The following MAPKAP1 variants were observed in gnomAD, a reference collection of about 807,000 sequenced individuals.
The protein encoded by MAPKAP1 is target of rapamycin complex 2 subunit MAPKAP1.
MAPKAP1 carries 20 observed loss-of-function variants against 65.7 expected under a neutral mutation model. The observed-to-expected ratio is 0.30, with a 90% CI of 0.21 to 0.44. The LOEUF is 0.44. Among genes scored for constraint, MAPKAP1 ranks in the 20% least tolerant of loss-of-function variants. MAPKAP1 has a pLI of 1.00. For synonymous variants in MAPKAP1, 222 were observed against 244.3 expected, an observed-to-expected ratio of 0.91 and a Z score of 0.85; for missense variants, 423 against 648.0, an observed-to-expected ratio of 0.65 and a Z score of 3.77.
chr9:125,438,506 G>A lies in MAPKAP1; in HGVS notation c.*381C>T, dbSNP rs975452524. The stretch of plus-strand genomic sequence containing the variant: ...CACCTGTTTATTAAAAGGAAAAACA[G>A]AAATGTACATTTTTGTTGTTTGCTT... On this transcript the variant is annotated 3_prime_UTR_variant, in exon 12 of 12. Transcript: ENST00000265960. 1 of 410,772 alleles carries A rather than the reference G, an allele frequency of 2.4e-6. No homozygotes were observed. The highest frequency in any genetic ancestry group is 2.0e-5 in the African/African-American group (1 of 48,902). 25.4% of individuals were successfully genotyped at this position (410,772 alleles called of 1,614,324 possible).
At chr9:125,613,766 C>CCATACTAT (rs1226423685) in intron 4 of MAPKAP1, among the ~76,000 whole-genome samples, 1 of 152,042 alleles carries the variant, frequency 6.6e-6, no homozygotes, top group East Asian at 1.9e-4. Flanking sequence ...CTAGAATTAC[C>CCATACTAT]CATACTATTT....
chr9:125,464,625 A>G (rs2132982668), intron 10 of MAPKAP1, among the ~76,000 whole-genome samples: 1 of 152,326 alleles, frequency 6.6e-6, no homozygotes, highest in South Asian at 2.1e-4. Flanking sequence ...ACTCACAGGG[A>G]CAGAGCAATA....
chr9:125,607,234 C>A (rs1832464270), intron 4 of MAPKAP1, among the ~76,000 whole-genome samples: 1 of 152,138 alleles, frequency 6.6e-6, no homozygotes, highest in Non-Finnish European at 1.5e-5. Flanking sequence ...ATTATAGCGA[C>A]TGAAACAATA....
chr9:125,686,036 G>A (rs577273206), intron 1 of MAPKAP1, among the ~76,000 whole-genome samples: 16 of 152,306 alleles, frequency 1.1e-4, no homozygotes, highest in African/African-American at 2.6e-4. Context: ...TAAGAAAAGC[G>A]GCCAGTGCAG....
chr9:125,448,191 C>T lies in MAPKAP1; in HGVS notation c.1346-3593G>A, dbSNP rs1852793529. ...GAGCTAGACAGGTGCAGAAAGGATA[C>T]TGAAAAGGAATGGAGGCGAGAACTA... On this transcript the variant is annotated intron_variant, in intron 10 of 11. Coordinates refer to ENST00000265960, the MANE Select transcript of MAPKAP1 (RefSeq NM_001006617.3). Among the ~76,000 whole-genome samples the T allele has an allele frequency of 5.3e-5, 8 of 152,104 alleles. No individual in the cohort carries two copies. The South Asian group carries it at 1.7e-3, about 32-fold the overall frequency.
intron 5 of MAPKAP1, among the ~76,000 whole-genome samples, chr9:125,569,021 G>A (rs1056287221): frequency 1.3e-5 from 2 of 152,168 alleles, no homozygotes; most frequent in East Asian, 1.9e-4. Context: ...TGAATTAGTC[G>A]TTCTGTGTCG....
intron 7 of MAPKAP1, among the ~76,000 whole-genome samples, chr9:125,515,163 A>G (rs1357182995): frequency 6.6e-6 from 1 of 152,112 alleles, no homozygotes; most frequent in African/African-American, 2.4e-5. Flanking sequence ...CCAATACACC[A>G]TTTGCTCTCT....
intron 6 of MAPKAP1, among the ~76,000 whole-genome samples, chr9:125,548,966 CA>C (rs1445556462): frequency 2.0e-5 from 3 of 152,134 alleles, no homozygotes; most frequent in African/African-American, 7.2e-5. Flanking sequence ...GACTTGAACC[CA>C]GATCAGCTAG....
chr9:125,496,902 A>G (rs73591559), intron 8 of MAPKAP1, among the ~76,000 whole-genome samples: 2,828 of 152,232 alleles, frequency 0.019, 87 homozygotes, highest in African/African-American at 0.063. Context: ...GGAAAGAGCC[A>G]GGCCTGGCCA....
chr9:125,569,220 C>T (rs138413229), intron 5 of MAPKAP1, among the ~76,000 whole-genome samples: 1 of 152,118 alleles, frequency 6.6e-6, no homozygotes, highest in African/African-American at 2.4e-5. Context: ...TTCCAGGGAA[C>T]AGGAATTTTA....
intron 5 of MAPKAP1, among the ~76,000 whole-genome samples, chr9:125,570,452 T>C (rs2131536093): frequency 6.6e-6 from 1 of 152,246 alleles, no homozygotes; most frequent in East Asian, 1.9e-4. Flanking sequence ...TGCCCCCAGC[T>C]ATGCTGGAGA....
intron 4 of MAPKAP1, among the ~76,000 whole-genome samples, chr9:125,608,576 G>A (rs1832506203): frequency 6.6e-6 from 1 of 152,206 alleles, no homozygotes; most frequent in Admixed American, 6.5e-5. Context: ...GGAAAGTGGA[G>A]ACATCAGCAT....
intron 10 of MAPKAP1, among the ~76,000 whole-genome samples, chr9:125,453,362 G>A (rs1394222120): frequency 1.3e-5 from 2 of 152,270 alleles, no homozygotes; most frequent in East Asian, 1.9e-4. Context: ...CTCCGTACCA[G>A]CCTATTTTAT....
intron 8 of MAPKAP1, among the ~76,000 whole-genome samples, chr9:125,497,429 TAATG>T (rs1316374089): frequency 6.6e-6 from 1 of 152,224 alleles, no homozygotes; most frequent in Non-Finnish European, 1.5e-5. Flanking sequence ...TCACCAGACT[TAATG>T]AATAAAAGAC....
At chr9:125,590,832 G>A (rs756105142) in intron 4 of MAPKAP1, among the ~76,000 whole-genome samples, 50 of 151,590 alleles carry the variant, frequency 3.3e-4, no homozygotes, top group Non-Finnish European at 6.6e-4. Context: ...GGAGTGCAGT[G>A]GCACAATCTC....
intron 3 of MAPKAP1, among the ~76,000 whole-genome samples, chr9:125,667,034 C>T (rs1381395574): frequency 6.6e-6 from 1 of 151,962 alleles, no homozygotes; most frequent in South Asian, 2.1e-4. Context: ...TATCAAAATC[C>T]GTGAGACACA....
chr9:125,497,920 A>G (rs554084644), intron 8 of MAPKAP1, among the ~76,000 whole-genome samples: 1 of 152,348 alleles, frequency 6.6e-6, no homozygotes, highest in East Asian at 1.9e-4. Context: ...CTACCTCCAC[A>G]TGGTTGGTGG....
intron 5 of MAPKAP1, among the ~76,000 whole-genome samples, chr9:125,570,032 G>A (rs1452459613): frequency 3.3e-5 from 5 of 152,180 alleles, no homozygotes; most frequent in East Asian, 1.9e-4. Context: ...GTCATGAACT[G>A]CTTCTTTAAC....
chr9:125,475,754 A>G (rs1437455608), intron 9 of MAPKAP1, among the ~76,000 whole-genome samples: 1 of 152,218 alleles, frequency 6.6e-6, no homozygotes, highest in Non-Finnish European at 1.5e-5. Flanking sequence ...CTAGATCACC[A>G]AACTACTCTC....
Sources: allele counts gnomAD v4.1 joint callset (sites outside exome capture counted in the v4.1 genomes callset), GRCh38; gene constraint gnomAD v4.1.1; transcripts MANE v1.5; gene names NCBI Gene and HGNC (gene_info 2026-07-23, HGNC 2026-07-21).